The following NRCAM variants were observed in gnomAD, a reference collection of about 807,000 sequenced individuals.
NRCAM encodes neuronal cell adhesion molecule, also known as NgCAM-related cell adhesion molecule.
NRCAM carries 83 observed loss-of-function variants against 156.5 expected under a neutral mutation model. The ratio of observed to expected loss-of-function variants is 0.53; its 90% CI spans 0.44 to 0.64. NRCAM has a LOEUF of 0.64. Among genes scored for constraint, NRCAM ranks in the 30% least tolerant of loss-of-function variants. The probability of loss-of-function intolerance (pLI) is 0.00; values close to 1 mark genes in which losing one functional copy is unlikely to be tolerated. For missense variants in NRCAM, 1,417 were observed against 1,597.3 expected (o/e 0.89, Z 1.92); for synonymous variants, 538 against 563.9 (o/e 0.95, Z 0.65).
At chr7:108,216,972 G>A (rs1305285980) in intron 11 of NRCAM, among the ~76,000 whole-genome samples, 1 of 152,124 alleles carries the variant, frequency 6.6e-6, no homozygotes, top group East Asian at 1.9e-4. Context: ...GAGTAGTTGT[G>A]ATCCTTTGGA....
intron 2 of NRCAM, among the ~76,000 whole-genome samples, chr7:108,318,298 G>A (rs1240307913): frequency 6.6e-6 from 1 of 151,968 alleles, no homozygotes; most frequent in Admixed American, 6.6e-5. Context: ...GCCCACTTCA[G>A]CCTCCCAAAG....
intron 11 of NRCAM, among the ~76,000 whole-genome samples, chr7:108,211,650 G>A (rs998775279): frequency 1.3e-5 from 2 of 152,096 alleles, no homozygotes; most frequent in African/African-American, 4.8e-5. Flanking sequence ...ACTCAGCAGA[G>A]GGACAACTTG....
At chr7:108,388,778 G>A (rs1232059171) in intron 2 of NRCAM, among the ~76,000 whole-genome samples, 3 of 152,106 alleles carry the variant, frequency 2.0e-5, no homozygotes, top group African/African-American at 7.2e-5. Flanking sequence ...TTCCACATAC[G>A]GCTAGCCAGT....
At chr7:108,231,616 A>G (rs2094343139) in intron 7 of NRCAM, among the ~76,000 whole-genome samples, 1 of 152,218 alleles carries the variant, frequency 6.6e-6, no homozygotes, top group Non-Finnish European at 1.5e-5. Context: ...GTAAGATAGT[A>G]TTTCAGAAAA....
At position 108,191,772 on chromosome 7, in the gene NRCAM, G is replaced by A. The variant is rs1394419557; in HGVS notation, c.1860C>T (p.Thr620=). Residue 620 remains threonine (T), a synonymous_variant, in exon 18 of 33, where the codon ACC becomes ACT. Transcript: ENST00000379028. ...CGCTGGCGGAGACGCTGTCCAGAGT[G>A]GTGTTGGCCACACACGTGTAGGTCC... ...DSGTYTCVAN[T]TLDSVSASAV... 4 of 1,614,052 alleles carry A rather than the reference G, an allele frequency of 2.5e-6. No homozygotes were observed. The highest frequency in any genetic ancestry group is 2.2e-5 in the East Asian group (1 of 44,886).
intron 3 of NRCAM, among the ~76,000 whole-genome samples, chr7:108,279,567 G>A (rs544726679): frequency 6.6e-6 from 1 of 151,944 alleles, no homozygotes; most frequent in East Asian, 1.9e-4. Flanking sequence ...TACCCAGGCT[G>A]GAGTGCAGTG....
At chr7:108,425,210 T>TTA (rs1174464144) in intron 1 of NRCAM, among the ~76,000 whole-genome samples, 1 of 152,146 alleles carries the variant, frequency 6.6e-6, no homozygotes, top group Non-Finnish European at 1.5e-5. Flanking sequence ...ATTAGTAAGA[T>TTA]TATAAGAAAA....
intron 2 of NRCAM, among the ~76,000 whole-genome samples, chr7:108,383,927 T>C (rs1254244136): frequency 6.6e-6 from 1 of 152,172 alleles, no homozygotes; most frequent in African/African-American, 2.4e-5. Context: ...CTCAGGGCTT[T>C]GAAGTGGTGC....
chr7:108,316,844 A>G (rs1298663553), intron 2 of NRCAM, among the ~76,000 whole-genome samples: 1 of 151,706 alleles, frequency 6.6e-6, no homozygotes, highest in Non-Finnish European at 1.5e-5. Flanking sequence ...CTAGCTGTCT[A>G]ACAAAGAGTC....
chr7:108,314,501 T>C (rs1044762963), intron 2 of NRCAM, among the ~76,000 whole-genome samples: 7 of 152,160 alleles, frequency 4.6e-5, no homozygotes, highest in Admixed American at 4.6e-4. Context: ...ATTTTTAAAG[T>C]AGCCTTCAGA....
intron 2 of NRCAM, among the ~76,000 whole-genome samples, chr7:108,387,976 G>C (rs999206949): frequency 4.6e-5 from 7 of 152,242 alleles, no homozygotes; most frequent in Admixed American, 1.3e-4. Context: ...CATTTGAGTT[G>C]GTTCCAAGTC....
In NRCAM at chr7:108,149,564, C is replaced by T. The variant is rs549037756; in HGVS notation, c.*346G>A. 8.8e-6 allele frequency: 2 copies of T among 227,084 alleles called. No individual in the cohort carries two copies. Among genetic ancestry groups the T allele is most frequent in the East Asian group, 1.0e-4 (1 of 9,746 alleles). The allele number at this position is 227,084 out of a possible 1,614,324, so 14.1% of individuals were successfully genotyped here. ...AAAGTATCAAACCATGTTTTCATAA[C>T]ATACACGGGTATGTCCTTTAAATGT... On this transcript the variant is annotated 3_prime_UTR_variant, in exon 33 of 33. Coordinates refer to ENST00000379028, the MANE Select transcript of NRCAM (RefSeq NM_001037132.4).
At chr7:108,182,198 A>T (rs2063851578) in intron 23 of NRCAM, among the ~76,000 whole-genome samples, 1 of 152,088 alleles carries the variant, frequency 6.6e-6, no homozygotes, top group South Asian at 2.1e-4. Flanking sequence ...AGTGAGTAGG[A>T]AAACACGATT....
At chr7:108,455,982 ATTT>A (rs1856934535) in intron 1 of NRCAM, among the ~76,000 whole-genome samples, 2 of 152,144 alleles carry the variant, frequency 1.3e-5, no homozygotes, top group Non-Finnish European at 2.9e-5. Context: ...GCGCTGCTGG[ATTT>A]CAGCTGTGCC....
At chr7:108,437,164 C>T (rs963038882) in intron 1 of NRCAM, among the ~76,000 whole-genome samples, 13 of 152,024 alleles carry the variant, frequency 8.6e-5, no homozygotes, top group African/African-American at 2.2e-4. Flanking sequence ...ATCAGCCAGG[C>T]GCAGAAAGGC....
intron 29 of NRCAM, among the ~76,000 whole-genome samples, chr7:108,167,454 T>C (rs530231232): frequency 7.2e-6 from 1 of 139,438 alleles, no homozygotes; most frequent in Non-Finnish European, 1.5e-5. Context: ...ATGGGAAGAA[T>C]TGTTTTTTTA....
chr7:108,392,037 T>G (rs2099761856), intron 2 of NRCAM, among the ~76,000 whole-genome samples: 1 of 152,338 alleles, frequency 6.6e-6, no homozygotes, highest in East Asian at 1.9e-4. Context: ...TTGGTGAATC[T>G]GACAATTATG....
intron 2 of NRCAM, among the ~76,000 whole-genome samples, chr7:108,354,390 G>GA (rs2154299470): frequency 6.6e-6 from 1 of 152,228 alleles, no homozygotes; most frequent in African/African-American, 2.4e-5. Flanking sequence ...TCAAGAACAG[G>GA]AAAAGGATGC....
intron 1 of NRCAM, among the ~76,000 whole-genome samples, chr7:108,451,567 T>C (rs1190327580): frequency 6.6e-6 from 1 of 152,182 alleles, no homozygotes; most frequent in East Asian, 1.9e-4. Context: ...ATATATGACA[T>C]ATGAATGGAT....
Sources: allele counts gnomAD v4.1 joint callset (sites outside exome capture counted in the v4.1 genomes callset), GRCh38; gene constraint gnomAD v4.1.1; transcripts MANE v1.5; gene names NCBI Gene and HGNC (gene_info 2026-07-23, HGNC 2026-07-21).